Variants in TRPM3 observed in about 807,000 individuals in gnomAD.
TRPM3 encodes transient receptor potential cation channel subfamily M member 3.
Under a neutral mutation model 181.2 loss-of-function variants are expected in TRPM3, and 77 were observed. The ratio of observed to expected loss-of-function variants is 0.42; its 90% CI spans 0.35 to 0.51. The LOEUF (loss-of-function observed/expected upper bound fraction) is 0.51. TRPM3 is among the 20% of genes least tolerant of loss of function. The pLI, the probability that TRPM3 is intolerant of heterozygous loss-of-function variation, is 0.01. For missense variants in TRPM3, 1,759 were observed against 2,196.7 expected, an observed-to-expected ratio of 0.80 and a Z score of 3.98; for synonymous variants, 745 against 796.4, an observed-to-expected ratio of 0.94 and a Z score of 1.09.
chr9:70,847,539 C>A (rs2095026333), intron 3 of TRPM3, among the ~76,000 whole-genome samples: 1 of 151,994 alleles, frequency 6.6e-6, no homozygotes, highest in South Asian at 2.1e-4. Context: ...AGACCTAGAG[C>A]ATCTGATTTA....
At chr9:71,399,561 C>T (rs1232611017) in intron 1 of TRPM3, among the ~76,000 whole-genome samples, 3 of 123,266 alleles carry the variant, frequency 2.4e-5, no homozygotes, top group Non-Finnish European at 4.8e-5. Flanking sequence ...AGGAGTCTCA[C>T]TCTGTGGCCC....
intron 1 of TRPM3, among the ~76,000 whole-genome samples, chr9:71,066,638 C>T (rs1014032575): frequency 6.6e-6 from 1 of 152,056 alleles, no homozygotes; most frequent in Non-Finnish European, 1.5e-5. Flanking sequence ...GTATAATTAA[C>T]AACTCTGAGT....
intron 6 of TRPM3, among the ~76,000 whole-genome samples, chr9:70,813,616 G>A (rs1157297): frequency 0.28 from 41,967 of 151,934 alleles, 7,366 homozygotes; most frequent in African/African-American, 0.5. Flanking sequence ...TGCAATATAC[G>A]CTTGTAACAA....
At chr9:70,906,442 C>T (rs1480412913) in intron 1 of TRPM3, among the ~76,000 whole-genome samples, 4 of 152,110 alleles carry the variant, frequency 2.6e-5, no homozygotes, top group South Asian at 2.1e-4. Flanking sequence ...CTGGTGACCT[C>T]CTGCTTGTTA....
At chr9:70,673,028 T>C (rs1176152327) in intron 9 of TRPM3, among the ~76,000 whole-genome samples, 6 of 152,142 alleles carry the variant, frequency 3.9e-5, no homozygotes, top group African/African-American at 9.7e-5. Context: ...GCCTAATGTA[T>C]GCAATGTAAA....
chr9:71,260,284 T>A lies in TRPM3; in HGVS notation c.183+186369A>T, dbSNP rs548088986. Among the ~76,000 whole-genome samples the A allele has an allele frequency of 5.3e-5, 8 of 152,162 alleles. No individual in the cohort carries two copies. In the South Asian group the frequency reaches 1.7e-3, roughly 32 times the overall value. ...TACCATGCTGTTTTGGTTACTGTAG[T>A]CTTGTAGTATACTTTGAAGTCAGGT... On this transcript the variant is annotated intron_variant, in intron 1 of 24. Coordinates refer to the TRPM3 transcript ENST00000357533.
intron 1 of TRPM3, among the ~76,000 whole-genome samples, chr9:71,354,360 C>T (rs145928771): frequency 1.2e-4 from 19 of 152,298 alleles, no homozygotes; most frequent in African/African-American, 4.3e-4. Flanking sequence ...CAAAGATACT[C>T]CCCGCATCCC....
chr9:71,151,583 C>T (rs909343911), intron 1 of TRPM3, among the ~76,000 whole-genome samples: 3 of 151,962 alleles, frequency 2.0e-5, no homozygotes, highest in African/African-American at 7.2e-5. Flanking sequence ...GACCCAAGGA[C>T]CTAGCAATTT....
At chr9:70,775,611 C>T (rs988847609) in intron 7 of TRPM3, 6 of 152,190 alleles carry the variant, frequency 3.9e-5, no homozygotes, top group Non-Finnish European at 8.8e-5. Flanking sequence ...TGCCTCAGAG[C>T]TGCCTTTGTA....
chr9:71,128,625 C>T (rs2074195416), intron 1 of TRPM3, among the ~76,000 whole-genome samples: 1 of 152,196 alleles, frequency 6.6e-6, no homozygotes, highest in Admixed American at 6.5e-5. Context: ...TACACACCCA[C>T]ACACAGAATG....
intron 1 of TRPM3, among the ~76,000 whole-genome samples, chr9:71,196,167 ATGTGTGTGTG>A (rs71507026): frequency 2.8e-4 from 42 of 149,454 alleles, no homozygotes; most frequent in African/African-American, 1.0e-3. Context: ...ACACACGTAT[ATGTGTGTGTG>A]TGTGTGTGTG....
chr9:71,392,446 G>A (rs899539897), intron 1 of TRPM3, among the ~76,000 whole-genome samples: 31 of 152,072 alleles, frequency 2.0e-4, no homozygotes, highest in African/African-American at 7.5e-4. Flanking sequence ...TAACAACTTC[G>A]AATTGGATAA....
intron 12 of TRPM3, among the ~76,000 whole-genome samples, chr9:70,631,382 T>G: frequency 9.0e-6 from 1 of 111,206 alleles, no homozygotes; most frequent in East Asian, 2.9e-4. Context: ...TTTTTTTTTA[T>G]TCTGAAAAGC....
intron 1 of TRPM3, among the ~76,000 whole-genome samples, chr9:71,195,622 A>C (rs933082743): frequency 3.3e-5 from 5 of 152,128 alleles, no homozygotes; most frequent in African/African-American, 1.2e-4. Flanking sequence ...TATCCAAAGG[A>C]ATATAAATTG....
At chr9:71,146,749 C>T (rs1193617832) in intron 1 of TRPM3, among the ~76,000 whole-genome samples, 1 of 152,152 alleles carries the variant, frequency 6.6e-6, no homozygotes, top group East Asian at 1.9e-4. Context: ...ATTGAACAAA[C>T]ATGCTGCTTC....
At chr9:70,838,237 A>G (rs535941813) in intron 5 of TRPM3, among the ~76,000 whole-genome samples, 2 of 152,208 alleles carry the variant, frequency 1.3e-5, no homozygotes, top group African/African-American at 2.4e-5. Context: ...TTAAGTTGGT[A>G]CAATGGACTG....
intron 1 of TRPM3, among the ~76,000 whole-genome samples, chr9:70,903,195 G>GT (rs1192595180): frequency 6.6e-6 from 1 of 152,134 alleles, no homozygotes; most frequent in Non-Finnish European, 1.5e-5. Flanking sequence ...GATATAATAG[G>GT]TCTTTTTTTC....
intron 1 of TRPM3, among the ~76,000 whole-genome samples, chr9:71,020,145 GA>G (rs200223658): frequency 7.3e-4 from 106 of 145,028 alleles, no homozygotes; most frequent in African/African-American, 2.3e-3. Context: ...AAATGGGGGT[GA>G]AAAAAAAAAC....
At chr9:70,666,095 G>A (rs969191836) in intron 9 of TRPM3, among the ~76,000 whole-genome samples, 2 of 152,190 alleles carry the variant, frequency 1.3e-5, no homozygotes, top group Admixed American at 1.3e-4. Flanking sequence ...CCAAGGAACC[G>A]TAGCTCCCAG....
Sources: gnomAD v4.1 joint callset for allele counts (sites outside exome capture counted in the v4.1 genomes callset) on GRCh38, gnomAD v4.1.1 for gene constraint, MANE v1.5 for transcripts, NCBI Gene and HGNC (gene_info 2026-07-23, HGNC 2026-07-21) for gene names.